The following SV2B variants were observed in gnomAD, a reference collection of about 807,000 sequenced individuals.
The protein encoded by SV2B is solute carrier family 22 member B2.
In SV2B, 41 loss-of-function variants were observed where a neutral mutation model predicts 73.9. The observed-to-expected ratio is 0.56, with a 90% CI of 0.43 to 0.72. SV2B has a LOEUF of 0.72. Among genes scored for constraint, SV2B ranks in the 30% least tolerant of loss-of-function variants. The pLI is 0.00. For missense variants in SV2B, 764 were observed against 857.8 expected, an observed-to-expected ratio of 0.89 and a Z score of 1.37; for synonymous variants, 314 against 314.2, an observed-to-expected ratio of 1.00 and a Z score of 0.01.
intron 1 of SV2B, among the ~76,000 whole-genome samples, chr15:91,175,474 T>A (rs935926086): frequency 6.6e-6 from 1 of 152,088 alleles, no homozygotes; most frequent in African/African-American, 2.4e-5. Flanking sequence ...CAGGATGGTC[T>A]CGATCTCCTG....
At chr15:91,104,017 G>T (rs1303280383) in intron 1 of SV2B, among the ~76,000 whole-genome samples, 8 of 152,174 alleles carry the variant, frequency 5.3e-5, no homozygotes, top group Admixed American at 2.0e-4. Flanking sequence ...ACAAGGAGAA[G>T]ATCTCCTGAA....
chr15:91,262,917 T>G (rs2047962145), intron 6 of SV2B, among the ~76,000 whole-genome samples: 1 of 152,198 alleles, frequency 6.6e-6, no homozygotes, highest in African/African-American at 2.4e-5. Flanking sequence ...TGCTGCCTCG[T>G]TCCATGGCCA....
intron 9 of SV2B, among the ~76,000 whole-genome samples, chr15:91,277,207 G>T (rs2048523565): frequency 1.3e-5 from 2 of 152,144 alleles, no homozygotes; most frequent in African/African-American, 4.8e-5. Flanking sequence ...ACTAAAAAAT[G>T]TGTACACCTC....
chr15:91,148,516 A>G (rs1047881928), intron 1 of SV2B, among the ~76,000 whole-genome samples: 1 of 152,166 alleles, frequency 6.6e-6, no homozygotes, highest in South Asian at 2.1e-4. Flanking sequence ...CAGGGCTTCA[A>G]AAGCAAGTGG....
At chr15:91,206,460 C>T (rs1400490718) in intron 1 of SV2B, among the ~76,000 whole-genome samples, 2 of 152,162 alleles carry the variant, frequency 1.3e-5, no homozygotes, top group Non-Finnish European at 2.9e-5. Flanking sequence ...GGCTGCTCTT[C>T]AGAGGCCTGA....
chr15:91,252,243 G>T lies in SV2B; in HGVS notation c.633-126G>T, dbSNP rs553220341. The stretch of plus-strand genomic sequence containing the variant: ...ACATGTAGAGAGGAACTAACTGGCC[G>T]GTCTCTCAAATTCACTGGGTCCTTT... On this transcript the variant is annotated intron_variant, in intron 3 of 12. Coordinates refer to ENST00000394232, the MANE Select transcript of SV2B (RefSeq NM_001323032.3). The surrounding 1 kb of genome is among the most constrained non-coding windows in gnomAD (Gnocchi z 4.6). 1 of 1,324,634 alleles carries T rather than the reference G, an allele frequency of 7.5e-7. No individual in the cohort carries two copies. The highest frequency in any genetic ancestry group is 1.0e-6 in the Non-Finnish European group (1 of 970,014). The allele number at this position is 1,324,634 out of a possible 1,614,324, so 82.1% of individuals were successfully genotyped here.
intron 1 of SV2B, among the ~76,000 whole-genome samples, chr15:91,134,822 C>T (rs972480461): frequency 3.3e-5 from 5 of 151,978 alleles, no homozygotes; most frequent in Non-Finnish European, 7.4e-5. Context: ...TGCCCTGTAC[C>T]AAAAAATCAT....
rs1225370091 is a variant in SV2B at position 91,122,239 on chromosome 15, G to A, written c.-392+21876G>A. Among the ~76,000 whole-genome samples the A allele has an allele frequency of 2.6e-5, 4 of 152,176 alleles. No individual in the cohort carries two copies. The highest frequency in any genetic ancestry group is 5.9e-5 in the Non-Finnish European group (4 of 68,042). On this transcript the variant is annotated intron_variant, in intron 1 of 12. Coordinates refer to ENST00000394232, the MANE Select transcript of SV2B (RefSeq NM_001323032.3). This position sits in a 1 kb window ranked among gnomAD's most constrained non-coding sequence, Gnocchi z 4.3. ...ATGTTCCATTAAAGCCAGGGGTGTC[G>A]TAGATGCAGGTACAATGAGTACAGA... is the stretch of plus-strand genomic sequence containing the variant.
chr15:91,101,813 C>T (rs571151959), intron 1 of SV2B: 1 of 152,278 alleles, frequency 6.6e-6, no homozygotes, highest in African/African-American at 2.4e-5. Flanking sequence ...GACTAGACCC[C>T]AGTAGACACA....
rs2042850395 is a variant in SV2B at position 91,137,017 on chromosome 15, C to T, written c.-392+36654C>T. ...ACAACCTGCAGGCAAAGCAAAAGCA[C>T]TGGTATGTGATTTTTAGGGAAGAGT... On this transcript the variant is annotated intron_variant, in intron 1 of 12. Transcript: ENST00000394232. The surrounding 1 kb of genome is among the most constrained non-coding windows in gnomAD (Gnocchi z 4.9). 1.3e-5 allele frequency among the ~76,000 whole-genome samples: 2 copies of T among 152,134 alleles called. No individual in the cohort carries two copies. The highest frequency in any genetic ancestry group is 1.3e-4 in the Admixed American group (2 of 15,282).
In SV2B at chr15:91,203,230, G is replaced by T. The variant is rs149851186; in HGVS notation, c.-391-22643G>T. On this transcript the variant is annotated intron_variant, in intron 1 of 12. Coordinates refer to ENST00000394232, the MANE Select transcript of SV2B (RefSeq NM_001323032.3). ...TCCTTGAGGACTTCCCCAGGTAGGG[G>T]CCTGGCCTGGCTGTCCAACTGCATA... 9.0e-3 allele frequency among the ~76,000 whole-genome samples: 1,374 copies of T among 152,288 alleles called. 19 individuals carry two copies. The highest frequency in any genetic ancestry group is 0.03 in the African/African-American group (1,236 of 41,554).
chr15:91,109,132 T>C (rs1425059049), intron 1 of SV2B, among the ~76,000 whole-genome samples: 1 of 152,184 alleles, frequency 6.6e-6, no homozygotes, highest in Admixed American at 6.5e-5. Flanking sequence ...ATTTTACAGA[T>C]GAGATATCTG....
At chr15:91,133,825 T>C (rs888725647) in intron 1 of SV2B, among the ~76,000 whole-genome samples, 8 of 152,120 alleles carry the variant, frequency 5.3e-5, no homozygotes, top group Non-Finnish European at 1.2e-4. Context: ...ATGCGATCCA[T>C]GAGAAGCTGG....
intron 2 of SV2B, among the ~76,000 whole-genome samples, chr15:91,243,247 C>G (rs2047091899): frequency 6.6e-6 from 1 of 152,148 alleles, no homozygotes; most frequent in Non-Finnish European, 1.5e-5. Flanking sequence ...GGAGAGCTAT[C>G]AGAGGTGTCA....
chr15:91,159,859 GA>G (rs2043647981), intron 1 of SV2B, among the ~76,000 whole-genome samples: 4 of 151,992 alleles, frequency 2.6e-5, no homozygotes, highest in Admixed American at 2.6e-4. Flanking sequence ...GTGTCTAAGT[GA>G]AAAATTATTA....
intron 5 of SV2B, among the ~76,000 whole-genome samples, chr15:91,259,879 C>T (rs12909322): frequency 0.019 from 2,967 of 152,218 alleles, 57 homozygotes; most frequent in Non-Finnish European, 0.027. Flanking sequence ...GCACCTGCCA[C>T]GACCCTATTT....
intron 1 of SV2B, among the ~76,000 whole-genome samples, chr15:91,170,435 G>A (rs967610791): frequency 6.6e-6 from 1 of 152,078 alleles, no homozygotes; most frequent in Non-Finnish European, 1.5e-5. Context: ...CTATAGGCAT[G>A]TGCCACCACA....
chr15:91,113,302 C>A (rs541029668), intron 1 of SV2B, among the ~76,000 whole-genome samples: 1 of 152,358 alleles, frequency 6.6e-6, no homozygotes, highest in African/African-American at 2.4e-5. Context: ...CTCTTCCAGG[C>A]TCCTTTTCAT....
At position 91,284,171 on chromosome 15, in the gene SV2B, A is replaced by G; in HGVS notation, c.1658A>G (p.Asn553Ser). ...GGCAGCCTGTCTGTCTTACCCGGGA[A>G]CATCATTTCTGCCCTGCTCATGGAT... ...FLGSLSVLPG[N>S]IISALLMDRI... Residue 553 changes from asparagine (N) to serine (S), a missense_variant, in exon 11 of 13, where the codon AAC becomes AGC. Coordinates refer to ENST00000394232, the MANE Select transcript of SV2B (RefSeq NM_001323032.3). This position sits in a 1 kb window ranked among gnomAD's most constrained non-coding sequence, Gnocchi z 4.5. 6 of 1,614,226 alleles carry G rather than the reference A, an allele frequency of 3.7e-6. No homozygotes were observed. The highest frequency in any genetic ancestry group is 5.1e-6 in the Non-Finnish European group (6 of 1,180,038).
Sources: allele counts gnomAD v4.1 joint callset (sites outside exome capture counted in the v4.1 genomes callset), GRCh38; gene constraint gnomAD v4.1.1; non-coding constraint Gnocchi (gnomAD v3.1); transcripts MANE v1.5; gene names NCBI Gene and HGNC (gene_info 2026-07-23, HGNC 2026-07-21).